The following KCNK10 variants were observed in gnomAD, a reference collection of about 807,000 sequenced individuals.
The protein encoded by KCNK10 is potassium channel subfamily K member 10.
KCNK10 carries 25 observed loss-of-function variants against 47.7 expected under a neutral mutation model. That is an observed-to-expected ratio of 0.52 (90% CI 0.38 to 0.73). KCNK10 has a LOEUF of 0.73. Among genes scored for constraint, KCNK10 ranks in the 30% least tolerant of loss-of-function variants. The pLI, the probability that KCNK10 is intolerant of heterozygous loss-of-function variation, is 0.00. For synonymous variants in KCNK10, 303 were observed against 285.6 expected (o/e 1.06, Z -0.61); for missense variants, 563 against 714.5 (o/e 0.79, Z 2.42).
chr14:88,279,364 CGTGTGTGTGTGTGT>C (rs58319931), intron 1 of KCNK10, among the ~76,000 whole-genome samples: 22 of 137,674 alleles, frequency 1.6e-4, no homozygotes, highest in South Asian at 1.0e-3. Context: ...TTGCCAGATA[CGTGTGTGTGTGTGT>C]GTGTGTGTGT....
At chr14:88,268,319 C>T (rs1210093709) in intron 1 of KCNK10, among the ~76,000 whole-genome samples, 2 of 152,192 alleles carry the variant, frequency 1.3e-5, no homozygotes, top group Admixed American at 6.5e-5. Context: ...GCAGTGCAAG[C>T]CCAGCTGTGG....
rs71417717 is a variant in KCNK10, at chr14:88,197,572, T to TA, written c.682-5163dup. ...CTGGGCAACAGAGAGAGACTCCGAC[T>TA]AAAAAAAAAAAAAAAAAAAAAAAAA... On this transcript the variant is annotated intron_variant, in intron 4 of 6. Transcript: ENST00000319231. 5.4e-3 allele frequency among the ~76,000 whole-genome samples: 93 copies of TA among 17,156 alleles called. 28 individuals carry two copies. Among genetic ancestry groups the TA allele is most frequent in the Non-Finnish European group, 0.01 (68 of 6,544 alleles). The allele number at this position is 17,156 out of a possible 152,430, so 11.3% of individuals were successfully genotyped here.
rs4899944 is a variant in KCNK10, at chr14:88,260,100, G to A, written c.402+3102C>T. On this transcript the variant is annotated intron_variant, in intron 2 of 6. Coordinates refer to ENST00000319231, the MANE Select transcript of KCNK10 (RefSeq NM_138317.3). This position sits in a 1 kb window ranked among gnomAD's most constrained non-coding sequence, Gnocchi z 4.5. ...TGGGACCACAGGTGCACACCACCAC[G>A]CCTGGCTAATTTTTGTATTTTAGGT... Among the ~76,000 whole-genome samples the A allele has an allele frequency of 0.4, 61,433 of 151,926 alleles. 13,117 individuals are homozygous for A. The highest frequency in any genetic ancestry group is 0.46 in the Non-Finnish European group (31,384 of 67,936).
chr14:88,314,919 A>C (rs901059496), intron 1 of KCNK10, among the ~76,000 whole-genome samples: 7 of 152,200 alleles, frequency 4.6e-5, no homozygotes, highest in African/African-American at 1.4e-4. Flanking sequence ...AAAATGAAGC[A>C]ATGTTCCCAA....
intron 2 of KCNK10, among the ~76,000 whole-genome samples, chr14:88,247,840 G>C (rs1349833300): frequency 6.6e-6 from 1 of 152,120 alleles, no homozygotes; most frequent in African/African-American, 2.4e-5. Flanking sequence ...CCATATTTGG[G>C]GGCACTCTTG....
chr14:88,192,554 G>A, intron 4 of KCNK10, 144 bp from the exon 5 acceptor site: 1 of 678,174 alleles, frequency 1.5e-6, no homozygotes, highest in Non-Finnish European at 2.4e-6. Context: ...GATGAACGCT[G>A]TGAACTCTTT....
chr14:88,291,460 A>G (rs1309614351), intron 1 of KCNK10, among the ~76,000 whole-genome samples: 11 of 152,348 alleles, frequency 7.2e-5, no homozygotes, highest in Non-Finnish European at 1.3e-4. Context: ...GAGAAAAAGC[A>G]TTTCTTAGCA....
Position 88,182,032 on chromosome 14 carries a change from A to G in KCNK10, c.*3503T>C. The G allele has an allele frequency of 1.3e-5, 1 of 79,060 alleles. No homozygotes were observed. Among genetic ancestry groups the G allele is most frequent in the African/African-American group, 5.4e-5 (1 of 18,606 alleles). The allele number at this position is 79,060 out of a possible 1,614,324, so 4.9% of individuals were successfully genotyped here. On this transcript the variant is annotated 3_prime_UTR_variant, in exon 7 of 7. Transcript: ENST00000319231. Reference sequence around the variant, plus strand: ...CCAGAGATGGCCCAACACCACCCCAACCCGCACACACACACACACACACAC... The same window carrying G: ...CCAGAGATGGCCCAACACCACCCCAGCCCGCACACACACACACACACACAC...
upstream of KCNK10, among the ~76,000 whole-genome samples, chr14:88,323,483 C>T (rs1035637594): frequency 6.7e-6 from 1 of 149,748 alleles, no homozygotes; most frequent in African/African-American, 2.4e-5. Flanking sequence ...GGGCGAGCAG[C>T]GGACCGAGGC....
At chr14:88,252,969 G>C (rs1234682746) in intron 2 of KCNK10, among the ~76,000 whole-genome samples, 1 of 152,162 alleles carries the variant, frequency 6.6e-6, no homozygotes, top group Non-Finnish European at 1.5e-5. Flanking sequence ...TAAGCCCACC[G>C]TGTCAAGCCA....
chr14:88,254,304 C>T (rs867008316), intron 2 of KCNK10, among the ~76,000 whole-genome samples: 4 of 152,146 alleles, frequency 2.6e-5, no homozygotes, highest in Admixed American at 6.6e-5. Flanking sequence ...AGACCCCTGT[C>T]GTTTGCTTTA....
At chr14:88,270,769 C>A (rs759470354) in intron 1 of KCNK10, 19 of 780,906 alleles carry the variant, frequency 2.4e-5, no homozygotes, top group Non-Finnish European at 4.5e-5. Context: ...CAGTCCTGTC[C>A]CCCTTAAATC....
chr14:88,309,622 T>C (rs1001282527), intron 1 of KCNK10, among the ~76,000 whole-genome samples: 2 of 151,984 alleles, frequency 1.3e-5, no homozygotes, highest in African/African-American at 4.8e-5. Context: ...AAAACTAAAA[T>C]TAAAAATTAA....
At chr14:88,302,388 A>C (rs752855198) in intron 1 of KCNK10, among the ~76,000 whole-genome samples, 10 of 152,360 alleles carry the variant, frequency 6.6e-5, no homozygotes, top group Non-Finnish European at 1.3e-4. Context: ...AGTCAACAGG[A>C]AACAGGAGTG....
At chr14:88,220,591 G>A in intron 4 of KCNK10, among the ~76,000 whole-genome samples, 1 of 140,558 alleles carries the variant, frequency 7.1e-6, no homozygotes, top group African/African-American at 2.8e-5. Context: ...AGGAGCAAAG[G>A]CGACAACATG....
chr14:88,268,414 C>T (rs1887327790), intron 1 of KCNK10, among the ~76,000 whole-genome samples: 2 of 152,158 alleles, frequency 1.3e-5, no homozygotes, highest in Non-Finnish European at 2.9e-5. Context: ...CCAACACAGC[C>T]CCACTTCACA....
chr14:88,297,309 A>T (rs980724570), intron 1 of KCNK10, among the ~76,000 whole-genome samples: 3 of 152,202 alleles, frequency 2.0e-5, no homozygotes, highest in Admixed American at 1.3e-4. Context: ...TAAAACAATA[A>T]ACTTCACTTC....
intron 1 of KCNK10, among the ~76,000 whole-genome samples, chr14:88,302,089 C>A (rs1014016136): frequency 6.6e-6 from 1 of 152,066 alleles, no homozygotes; most frequent in Non-Finnish European, 1.5e-5. Flanking sequence ...GCAGGACTTG[C>A]TGGTGAGTGG....
rs112861117 is a variant in KCNK10, at chr14:88,243,649, G to A, written c.403-2829C>T. On this transcript the variant is annotated intron_variant, in intron 2 of 6. Coordinates refer to ENST00000319231, the MANE Select transcript of KCNK10 (RefSeq NM_138317.3). The stretch of plus-strand genomic sequence containing the variant: ...TGTTGAAGCTGATTAGAGATGAGTC[G>A]CTCTGTGTTAAAATAAAATTAAAGA... Among the ~76,000 whole-genome samples the A allele has an allele frequency of 9.6e-3, 1,463 of 152,096 alleles. 26 individuals are homozygous for A. Among genetic ancestry groups the A allele is most frequent in the African/African-American group, 0.034 (1,394 of 41,476 alleles).
Sources: gnomAD v4.1 joint callset for allele counts (sites outside exome capture counted in the v4.1 genomes callset) on GRCh38, gnomAD v4.1.1 for gene constraint, Gnocchi (gnomAD v3.1) non-coding constraint, MANE v1.5 for transcripts, NCBI Gene and HGNC (gene_info 2026-07-23, HGNC 2026-07-21) for gene names.